The following TEAD2 variants were observed in gnomAD, a reference collection of about 807,000 sequenced individuals.
TEAD2 encodes the protein TEA domain transcription factor 2, also known as transcriptional enhancer factor TEF-4.
TEAD2 carries 51 observed loss-of-function variants against 61.4 expected under a neutral mutation model. The ratio of observed to expected loss-of-function variants is 0.83; its 90% CI spans 0.66 to 1.05. The LOEUF (loss-of-function observed/expected upper bound fraction) is 1.05, where lower values mean the gene tolerates loss of function less well. TEAD2 is among the 50% of genes least tolerant of loss of function. The pLI is 0.00. For synonymous variants in TEAD2, 244 were observed against 243.2 expected, an observed-to-expected ratio of 1.00 and a Z score of -0.03; for missense variants, 509 against 600.0, an observed-to-expected ratio of 0.85 and a Z score of 1.58.
chr19:49,341,655 G>A lies in TEAD2; in HGVS notation c.1243-218C>T, dbSNP rs908497322. Among the ~76,000 whole-genome samples the A allele has an allele frequency of 4.6e-5, 7 of 152,162 alleles. No homozygotes were observed. Among genetic ancestry groups the A allele is most frequent in the Admixed American group, 6.5e-5 (1 of 15,278 alleles). On this transcript the variant is annotated intron_variant, in intron 12 of 12. Coordinates refer to ENST00000593945, the MANE Select transcript of TEAD2 (RefSeq NM_001256660.2). The surrounding 1 kb of genome is among the most constrained non-coding windows in gnomAD (Gnocchi z 4.2). ...TCAGCTGAGCGTTGGCAGTTATGGT[G>A]TATCACATCTCAGGGTTAATCGGGT...
chr19:49,357,975 G>A (rs900137655), intron 3 of TEAD2, among the ~76,000 whole-genome samples: 2 of 152,198 alleles, frequency 1.3e-5, no homozygotes, highest in Non-Finnish European at 2.9e-5. Context: ...TGGCTCAGCT[G>A]TAATCCCAGC....
intron 7 of TEAD2, among the ~76,000 whole-genome samples, chr19:49,354,094 G>A (rs1262478535): frequency 6.7e-6 from 1 of 148,324 alleles, no homozygotes; most frequent in Admixed American, 6.8e-5. Context: ...CACCACACTC[G>A]GCCCTCACTA....
chr19:49,356,436 C>G (rs1287082726), intron 4 of TEAD2, among the ~76,000 whole-genome samples: 3 of 139,562 alleles, frequency 2.1e-5, no homozygotes, highest in Admixed American at 7.1e-5. Flanking sequence ...GAAAAAGAGA[C>G]AGAAAAACCC....
Position 49,359,978 on chromosome 19 carries a change from G to T in TEAD2, c.98C>A (p.Ala33Asp). The T allele has an allele frequency of 6.2e-7, 1 of 1,609,222 alleles. No individual in the cohort carries two copies. The stretch of plus-strand genomic sequence containing the variant: ...TGCATCCGGGCCCCCGTCACCCCCA[G>T]CCCCCTCACTGCCGCCGGTACCCTC... ...SEEGTGGSEG[A>D]GGDGGPDAEG... The change falls in exon 2 of 13, where the codon GCT becomes GAT. Residue 33 changes from alanine to aspartate, a missense_variant. By Grantham distance (126) the Ala-to-Asp change is moderately radical. Coordinates refer to ENST00000593945, the MANE Select transcript of TEAD2 (RefSeq NM_001256660.2). This position sits in a 1 kb window ranked among gnomAD's most constrained non-coding sequence, Gnocchi z 4.1.
At position 49,351,349 on chromosome 19, in the gene TEAD2, G is replaced by A. The variant is rs1023688620; in HGVS notation, c.556C>T (p.Gln186Ter). The A allele has an allele frequency of 6.2e-7, 1 of 1,612,236 alleles. No homozygotes were observed. The highest frequency in any genetic ancestry group is 8.5e-7 in the Non-Finnish European group (1 of 1,179,404). ...GTCAGTGACAAGGTGAACGGTGTCT[G>A]TGAGAATGGCTTCACACTGAGGGAA... ...WNVPDVKPFS[Q>*]TPFTLSLTPP... is the part of the protein sequence containing the mutation. The change falls in exon 8 of 13, where the codon CAG becomes TAG. Residue 186 changes from glutamine to a stop codon, truncating the protein, a stop_gained. Coordinates refer to ENST00000593945, the MANE Select transcript of TEAD2 (RefSeq NM_001256660.2). LOFTEE classifies it high-confidence loss of function.
intron 12 of TEAD2, 24 bp downstream of exon 12, chr19:49,342,414 C>G: frequency 6.2e-7 from 1 of 1,610,002 alleles, no homozygotes; most frequent in Non-Finnish European, 8.5e-7. Flanking sequence ...GGGGGCCCCA[C>G]TCCAGCCCAG....
chr19:49,359,203 A>T lies in TEAD2; in HGVS notation c.297+232T>A. On this transcript the variant is annotated intron_variant, in intron 3 of 12. Transcript: ENST00000593945. This position sits in a 1 kb window ranked among gnomAD's most constrained non-coding sequence, Gnocchi z 4.1. ...CAGTGAGCCAAGATCGCGCCACTGC[A>T]CTCCGGCCTGGGCAACAGAGCTAGA... The T allele has an allele frequency of 2.0e-6, 1 of 491,344 alleles. No individual in the cohort carries two copies. The highest frequency in any genetic ancestry group is 2.3e-5 in the South Asian group (1 of 44,434). The allele number at this position is 491,344 out of a possible 1,614,324, so 30.4% of individuals were successfully genotyped here.
rs769584726 is a variant in TEAD2 at position 49,360,009 on chromosome 19, T to C, written c.67A>G (p.Ser23Gly). Residue 23 changes from serine to glycine, a missense_variant, in exon 2 of 13, where the codon AGT becomes GGT. Ser to Gly is a moderately conservative substitution (Grantham distance 56). Coordinates refer to ENST00000593945, the MANE Select transcript of TEAD2 (RefSeq NM_001256660.2). ...TCACTGCCGCCGGTACCCTCCTCAC[T>C]GCCTTCCTCACTGCCCGTCCAGCCG... ...GSGWTGSEEG[S>G]EEGTGGSEGA... 1.2e-6 allele frequency: 2 copies of C among 1,609,148 alleles called. No individual in the cohort carries two copies. Among genetic ancestry groups the C allele is most frequent in the East Asian group, 4.5e-5 (2 of 44,880 alleles).
chr19:49,358,088 G>T (rs1185189568), intron 3 of TEAD2, among the ~76,000 whole-genome samples: 1 of 152,158 alleles, frequency 6.6e-6, no homozygotes, highest in Non-Finnish European at 1.5e-5. Flanking sequence ...CAAAAAATTA[G>T]CCAGGTGTGG....
chr19:49,357,375 C>T, intron 3 of TEAD2, 61 bp from the exon 4 acceptor site: 2 of 1,536,640 alleles, frequency 1.3e-6, no homozygotes, highest in Non-Finnish European at 1.8e-6. Flanking sequence ...GTTCACTACC[C>T]CTTCTCTCCC....
At position 49,348,795 on chromosome 19, in the gene TEAD2, G is replaced by GC. The variant is rs753398726; in HGVS notation, c.654dup (p.Pro219AlafsTer30). On this transcript the variant is annotated frameshift_variant, in exon 9 of 13. Coordinates refer to ENST00000593945, the MANE Select transcript of TEAD2 (RefSeq NM_001256660.2). LOFTEE classifies it high-confidence loss of function. ...AGGCCCCGAGCCTGCCAGGCTGGGG[G>GC]CGATGGGGTAGGTGGGGGCAGGGGT... The GC allele has an allele frequency of 1.9e-6, 3 of 1,611,318 alleles. No homozygotes were observed. The highest frequency in any genetic ancestry group is 2.5e-6 in the Non-Finnish European group (3 of 1,178,942).
At chr19:49,346,113 C>T (rs1971612123) in intron 10 of TEAD2, among the ~76,000 whole-genome samples, 2 of 143,590 alleles carry the variant, frequency 1.4e-5, no homozygotes, top group Admixed American at 7.3e-5. Flanking sequence ...TGCAGTGAGC[C>T]GAGATCGCAC....
chr19:49,355,601 C>A (rs565544507), intron 5 of TEAD2, among the ~76,000 whole-genome samples, 182 bp from the exon 6 acceptor site: 1 of 152,054 alleles, frequency 6.6e-6, no homozygotes, highest in Non-Finnish European at 1.5e-5. Flanking sequence ...CGGAGGCGGG[C>A]AGATCACTTG....
chr19:49,356,306 CAGA>C (rs772585736), intron 4 of TEAD2: 28 of 164,294 alleles, frequency 1.7e-4, no homozygotes, highest in Non-Finnish European at 2.9e-4. Flanking sequence ...ACAGGGAACA[CAGA>C]AGGTCGAGAA....
rs1555780666 is a variant in TEAD2 at position 49,340,628 on chromosome 19, C to T, written c.*696G>A. ...AAAATAGCTTTATCCTCTGTCAGAA[C>T]ACAAACAAACAAACTTTGAGAGGGG... On this transcript the variant is annotated 3_prime_UTR_variant, in exon 13 of 13. Coordinates refer to ENST00000593945, the MANE Select transcript of TEAD2 (RefSeq NM_001256660.2). 1.3e-5 allele frequency: 7 copies of T among 540,302 alleles called. No individual in the cohort carries two copies. Among genetic ancestry groups the T allele is most frequent in the Non-Finnish European group, 2.0e-5 (6 of 299,202 alleles). 33.5% of individuals were successfully genotyped at this position (540,302 alleles called of 1,614,324 possible). A position where few individuals can be genotyped will look rare whatever the true frequency, so the allele number is the denominator to read the frequency against.
intron 1 of TEAD2, 119 bp from the exon 2 acceptor site, chr19:49,360,200 C>T: frequency 1.3e-6 from 1 of 766,622 alleles, no homozygotes; most frequent in Non-Finnish European, 2.1e-6. Flanking sequence ...GGGACCTGGA[C>T]TCCTGGGTCT....
chr19:49,343,678 C>T (rs551072128), intron 10 of TEAD2, among the ~76,000 whole-genome samples: 1 of 150,902 alleles, frequency 6.6e-6, no homozygotes, highest in Admixed American at 6.6e-5. Context: ...GCAGAGGTTG[C>T]GGTGAGCCGA....
At position 49,347,219 on chromosome 19, in the gene TEAD2, G is replaced by A. The variant is rs1398554258; in HGVS notation, c.892C>T (p.Pro298Ser). ...GLRELYDRGP[P>S]HAFFLVKFWA... is the part of the protein sequence containing the mutation. The stretch of plus-strand genomic sequence containing the variant: ...AACTTGACCAGGAAGAAGGCATGGG[G>A]GGGGCCACGATCATATAGCTCTCGG... Residue 298 changes from proline to serine, a missense_variant, in exon 10 of 13, where the codon CCC becomes TCC. Physicochemically the swap from Pro to Ser is moderately conservative, Grantham distance 74. Transcript: ENST00000593945. 1.9e-6 allele frequency: 3 copies of A among 1,614,064 alleles called. No homozygotes were observed. The highest frequency in any genetic ancestry group is 1.6e-4 in the Middle Eastern group (1 of 6,062).
intron 1 of TEAD2, among the ~76,000 whole-genome samples, chr19:49,362,117 G>A (rs1257310243): frequency 6.6e-6 from 1 of 151,950 alleles, no homozygotes; most frequent in Non-Finnish European, 1.5e-5. Context: ...CCCCGCCAGC[G>A]CCCTTGGCCC....
Sources: allele counts gnomAD v4.1 joint callset (sites outside exome capture counted in the v4.1 genomes callset), GRCh38; gene constraint gnomAD v4.1.1; non-coding constraint Gnocchi (gnomAD v3.1); transcripts MANE v1.5; gene names NCBI Gene and HGNC (gene_info 2026-07-23, HGNC 2026-07-21).